The following NHSL2 variants were observed in gnomAD, a reference collection of about 807,000 sequenced individuals.
The protein encoded by NHSL2 is NHS like 2, also known as NHS-like protein 2.
A neutral mutation model predicts 53.4 loss-of-function variants in NHSL2; 27 were observed. The ratio of observed to expected loss-of-function variants is 0.51; its 90% CI spans 0.37 to 0.70. The LOEUF (loss-of-function observed/expected upper bound fraction) is 0.70, where lower values mean the gene tolerates loss of function less well. Ranked by LOEUF, NHSL2 falls within the 30% of genes least tolerant of loss-of-function variation. The pLI is 0.00. For synonymous variants in NHSL2, 408 were observed against 404.1 expected (o/e 1.01, Z -0.12); for missense variants, 892 against 980.1 (o/e 0.91, Z 1.20).
intron 1 of NHSL2, among the ~76,000 whole-genome samples, chrX:71,982,891 G>T (rs1321714449): frequency 1.8e-5 from 2 of 112,460 alleles, no homozygotes; most frequent in Middle Eastern, 4.6e-3. Context: ...AAAAGAGGGG[G>T]TAATGGGAAC....
intron 1 of NHSL2, among the ~76,000 whole-genome samples, chrX:72,111,539 C>CT (rs373538371): frequency 7.1e-5 from 8 of 112,412 alleles, no homozygotes; most frequent in African/African-American, 1.3e-4. Flanking sequence ...CAAATATAGA[C>CT]TGAGTCTTAG....
chrX:72,003,540 C>T (rs745878975), intron 1 of NHSL2, among the ~76,000 whole-genome samples: 1 of 111,423 alleles, frequency 9.0e-6, no homozygotes, highest in South Asian at 3.9e-4. Context: ...ACAAGTATGG[C>T]CTTATGCAAG....
At chrX:71,982,858 C>A (rs1043214186) in intron 1 of NHSL2, among the ~76,000 whole-genome samples, 1 of 112,140 alleles carries the variant, frequency 8.9e-6, no homozygotes, top group African/African-American at 3.2e-5. Context: ...GTTCTGTGAG[C>A]TGCTTTAGCA....
rs188242400 is a variant in NHSL2 at position 72,031,263 on chromosome X, G to A, written c.281-100816G>A. 2.2e-3 allele frequency among the ~76,000 whole-genome samples: 248 copies of A among 111,124 alleles called. 1 individual carries two copies. The highest frequency in any genetic ancestry group is 8.0e-3 in the African/African-American group (243 of 30,507). ...TTGCTTTGGGAGGTGTCTTGGGGCC[G>A]AGGAAAAGAGCATCAGACTCCTACA... On this transcript the variant is annotated intron_variant, in intron 1 of 7. Coordinates refer to ENST00000633930, the MANE Select transcript of NHSL2 (RefSeq NM_001013627.3).
At chrX:72,098,302 C>G (rs971532908) in intron 1 of NHSL2, among the ~76,000 whole-genome samples, 1 of 112,152 alleles carries the variant, frequency 8.9e-6, no homozygotes, top group South Asian at 3.6e-4. Flanking sequence ...GGAAGTTGGC[C>G]GGGCGCGGTG....
intron 1 of NHSL2, among the ~76,000 whole-genome samples, chrX:72,024,462 C>T (rs748571558): frequency 8.9e-6 from 1 of 112,012 alleles, no homozygotes; most frequent in African/African-American, 3.2e-5. Context: ...TCCCAGATCC[C>T]AAAAGAATAC....
At chrX:71,911,483 C>T in intron 1 of NHSL2, 116 bp downstream of exon 1, 1 of 670,786 alleles carries the variant, frequency 1.5e-6, no homozygotes, top group East Asian at 4.3e-5. Flanking sequence ...CCTCCCCTCC[C>T]CTCCATTCGG....
chrX:72,098,702 TTTTTA>T (rs1227894834), intron 1 of NHSL2, among the ~76,000 whole-genome samples: 1 of 112,244 alleles, frequency 8.9e-6, no homozygotes, highest in East Asian at 2.8e-4. Flanking sequence ...TTTTATTTAT[TTTTTA>T]TTTTAATAGT....
At chrX:72,044,730 T>C in intron 1 of NHSL2, 3 of 1,019,149 alleles carry the variant, frequency 2.9e-6, no homozygotes, top group Non-Finnish European at 4.1e-6. Flanking sequence ...TCGATGCCTA[T>C]GTGCTTCCCA....
chrX:72,078,138 A>G (rs990615225), intron 1 of NHSL2, among the ~76,000 whole-genome samples: 7 of 113,008 alleles, frequency 6.2e-5, no homozygotes, highest in African/African-American at 2.2e-4. Flanking sequence ...CCAAGGGCAC[A>G]CAGGCTGTAA....
intron 1 of NHSL2, among the ~76,000 whole-genome samples, chrX:72,105,133 C>G (rs976876678): frequency 3.6e-5 from 4 of 109,669 alleles, no homozygotes; most frequent in African/African-American, 1.3e-4. Context: ...TTTCTTCCCC[C>G]ACCTCCCACC....
At chrX:72,026,543 G>T (rs1449367760) in intron 1 of NHSL2, among the ~76,000 whole-genome samples, 1 of 112,645 alleles carries the variant, frequency 8.9e-6, no homozygotes, top group Admixed American at 9.3e-5. Flanking sequence ...GCAAGAAAGA[G>T]CTATGGGGAA....
At chrX:72,053,878 C>T (rs1020804976) in intron 1 of NHSL2, among the ~76,000 whole-genome samples, 2 of 111,838 alleles carry the variant, frequency 1.8e-5, no homozygotes, top group African/African-American at 6.5e-5. Context: ...ATACTCCTAC[C>T]ATCTACAGCA....
chrX:72,084,633 G>A lies in NHSL2; in HGVS notation c.281-47446G>A, dbSNP rs1235193362. ...GAGGTAGCTGGGCACTTCCCAAAGA[G>A]GGCCGTCAGCCAGCAGCAGTTCCGC... is the stretch of plus-strand genomic sequence containing the variant. On this transcript the variant is annotated intron_variant, in intron 1 of 7. Coordinates refer to ENST00000633930, the MANE Select transcript of NHSL2 (RefSeq NM_001013627.3). Among the ~76,000 whole-genome samples the A allele has an allele frequency of 8.0e-5, 9 of 112,126 alleles. No homozygotes were observed. In the Admixed American group the frequency reaches 8.5e-4, roughly 11 times the overall value.
At chrX:71,995,115 A>C (rs1349476629) in intron 1 of NHSL2, among the ~76,000 whole-genome samples, 1 of 111,267 alleles carries the variant, frequency 9.0e-6, no homozygotes, top group Non-Finnish European at 1.9e-5. Flanking sequence ...TGACTCTCAT[A>C]CTCCACATCC....
At chrX:72,039,942 T>C (rs1235017640) in intron 1 of NHSL2, among the ~76,000 whole-genome samples, 1 of 112,023 alleles carries the variant, frequency 8.9e-6, no homozygotes, top group Non-Finnish European at 1.9e-5. Flanking sequence ...TGCTTTTAGA[T>C]ACCTCGTCTC....
At chrX:71,928,178 G>A (rs1185203867) in intron 1 of NHSL2, among the ~76,000 whole-genome samples, 4 of 112,239 alleles carry the variant, frequency 3.6e-5, no homozygotes, top group Middle Eastern at 9.1e-3. Context: ...AGTAGTTATT[G>A]CAAAAAATGA....
chrX:72,049,668 C>T (rs1359328144), intron 1 of NHSL2, among the ~76,000 whole-genome samples: 1 of 108,671 alleles, frequency 9.2e-6, no homozygotes, highest in African/African-American at 3.4e-5. Context: ...ACTCCATCAC[C>T]CTTTTACTGC....
intron 1 of NHSL2, among the ~76,000 whole-genome samples, chrX:72,117,659 T>C (rs925487580): frequency 9.0e-6 from 1 of 110,545 alleles, no homozygotes; most frequent in Non-Finnish European, 1.9e-5. Context: ...ATCTGTCTAT[T>C]CTGGACATGC....
Sources: allele counts gnomAD v4.1 joint callset (sites outside exome capture counted in the v4.1 genomes callset), GRCh38; gene constraint gnomAD v4.1.1; transcripts MANE v1.5; gene names NCBI Gene and HGNC (gene_info 2026-07-23, HGNC 2026-07-21).